Variants in CCDC85A observed in about 807,000 individuals in gnomAD.
CCDC85A encodes coiled-coil domain-containing protein 85A.
A neutral mutation model predicts 50.2 loss-of-function variants in CCDC85A; 38 were observed. The observed-to-expected ratio is 0.76, with a 90% CI of 0.58 to 0.99. The LOEUF is 0.99. Among genes scored for constraint, CCDC85A ranks in the 50% least tolerant of loss-of-function variants. The probability of loss-of-function intolerance (pLI) is 0.00; values close to 1 mark genes in which losing one functional copy is unlikely to be tolerated. For synonymous variants in CCDC85A, 366 were observed against 301.4 expected (o/e 1.21, Z -2.22); for missense variants, 820 against 742.0 (o/e 1.11, Z -1.22).
At chr2:56,223,523 C>T (rs1404188247) in intron 2 of CCDC85A, among the ~76,000 whole-genome samples, 1 of 152,100 alleles carries the variant, frequency 6.6e-6, no homozygotes, top group Admixed American at 6.6e-5. Context: ...CACTTTCATC[C>T]ACTAAAAATA....
chr2:56,301,481 C>G (rs1375285643), intron 2 of CCDC85A, among the ~76,000 whole-genome samples: 1 of 151,920 alleles, frequency 6.6e-6, no homozygotes, highest in Non-Finnish European at 1.5e-5. Flanking sequence ...ATATAAGTGC[C>G]CCTCCAGTGA....
intron 3 of CCDC85A, among the ~76,000 whole-genome samples, chr2:56,366,151 C>T (rs1675781880): frequency 6.6e-6 from 1 of 152,096 alleles, no homozygotes; most frequent in Non-Finnish European, 1.5e-5. Flanking sequence ...TTTCTTTATT[C>T]ATCCATTCAT....
intron 2 of CCDC85A, among the ~76,000 whole-genome samples, chr2:56,323,126 A>G (rs1163278547): frequency 6.6e-6 from 1 of 152,086 alleles, no homozygotes; most frequent in Non-Finnish European, 1.5e-5. Context: ...GGGGAACATC[A>G]CACACCAGGG....
chr2:56,306,500 C>T (rs187635782), intron 2 of CCDC85A, among the ~76,000 whole-genome samples: 1 of 152,232 alleles, frequency 6.6e-6, no homozygotes, highest in Non-Finnish European at 1.5e-5. Context: ...AATTTTAACT[C>T]ACATTATATA....
intron 2 of CCDC85A, among the ~76,000 whole-genome samples, chr2:56,318,971 T>A (rs1205214937): frequency 6.6e-6 from 1 of 152,036 alleles, no homozygotes; most frequent in Admixed American, 6.6e-5. Context: ...GGTAGAAGAT[T>A]GTGCACCAAT....
In CCDC85A at chr2:56,372,441, G is replaced by A. The variant is rs765579158; in HGVS notation, c.1415G>A (p.Gly472Glu). ...RARRVLQWWQ[G>E]CRGIGRCLPT... ...CGGCGGGTCTTGCAGTGGTGGCAAGGGTGCCGAGGAATAGGACGATGCCTG... is the reference window on the plus strand; with the variant it reads ...CGGCGGGTCTTGCAGTGGTGGCAAGAGTGCCGAGGAATAGGACGATGCCTG... Residue 472 changes from glycine to glutamate, a missense_variant, in exon 4 of 6, where the codon GGG becomes GAG. Coordinates refer to ENST00000407595, the MANE Select transcript of CCDC85A (RefSeq NM_001080433.2). The A allele has an allele frequency of 6.2e-7, 1 of 1,610,106 alleles. No individual in the cohort carries two copies.
chr2:56,195,292 A>G (rs1676480449), intron 2 of CCDC85A, among the ~76,000 whole-genome samples: 4 of 152,230 alleles, frequency 2.6e-5, no homozygotes, highest in African/African-American at 9.6e-5. Flanking sequence ...CCTAGTAAAG[A>G]TGACATTACC....
At chr2:56,327,116 T>G (rs575916154) in intron 2 of CCDC85A, among the ~76,000 whole-genome samples, 1 of 152,138 alleles carries the variant, frequency 6.6e-6, no homozygotes, top group African/African-American at 2.4e-5. Context: ...CCACAAATGT[T>G]TGTGTAATGA....
intron 2 of CCDC85A, among the ~76,000 whole-genome samples, chr2:56,287,411 C>G (rs1364280285): frequency 1.3e-5 from 2 of 152,192 alleles, no homozygotes; most frequent in Non-Finnish European, 1.5e-5. Context: ...AAAACCAGGG[C>G]AAACATGATT....
intron 1 of CCDC85A, among the ~76,000 whole-genome samples, chr2:56,187,030 G>T (rs1445659593): frequency 6.6e-6 from 1 of 152,088 alleles, no homozygotes; most frequent in African/African-American, 2.4e-5. Flanking sequence ...GCCCACCCTG[G>T]GTGTGCTGTG....
At chr2:56,326,836 G>T (rs1673496763) in intron 2 of CCDC85A, among the ~76,000 whole-genome samples, 1 of 146,898 alleles carries the variant, frequency 6.8e-6, no homozygotes, top group Non-Finnish European at 1.5e-5. Context: ...TTAAGGTGAA[G>T]TATTTTTTTT....
chr2:56,303,363 G>T (rs189456668), intron 2 of CCDC85A, among the ~76,000 whole-genome samples: 1 of 152,100 alleles, frequency 6.6e-6, no homozygotes, highest in East Asian at 1.9e-4. Context: ...AACCCAGGGG[G>T]CATCAGTTGT....
chr2:56,292,328 C>T (rs1671750892), intron 2 of CCDC85A, among the ~76,000 whole-genome samples: 1 of 152,162 alleles, frequency 6.6e-6, no homozygotes, highest in Non-Finnish European at 1.5e-5. Context: ...CGTGATCCAC[C>T]CGCCTCGGCC....
At position 56,231,454 on chromosome 2, in the gene CCDC85A, C is replaced by T. The variant is rs557226091; in HGVS notation, c.1240+38014C>T. Reference sequence around the variant, plus strand: ...TATGGGTTCTGAATCCAGGTAATTGCGTTTGGTGGAAAAGAGACACATTCT... The same window carrying T: ...TATGGGTTCTGAATCCAGGTAATTGTGTTTGGTGGAAAAGAGACACATTCT... On this transcript the variant is annotated intron_variant, in intron 2 of 5. Transcript: ENST00000407595. Among the ~76,000 whole-genome samples the T allele has an allele frequency of 2.6e-5, 4 of 152,122 alleles. No homozygotes were observed. In the East Asian group the frequency reaches 5.8e-4, roughly 22 times the overall value.
At chr2:56,234,710 C>T (rs761111098) in intron 2 of CCDC85A, among the ~76,000 whole-genome samples, 3 of 152,058 alleles carry the variant, frequency 2.0e-5, no homozygotes, top group African/African-American at 7.2e-5. Flanking sequence ...CTTAGATCTT[C>T]GCTAAAGATA....
At chr2:56,187,315 C>T (rs1676093940) in intron 1 of CCDC85A, among the ~76,000 whole-genome samples, 1 of 152,132 alleles carries the variant, frequency 6.6e-6, no homozygotes, top group South Asian at 2.1e-4. Flanking sequence ...TATGAGCTGA[C>T]TTTGAAATTG....
rs750045179 is a variant in CCDC85A at position 56,295,586 on chromosome 2, C to T, written c.1241-47293C>T. ...GAGCTGAGAATAGGTGTGGGGTGTG[C>T]GTGGCAAGTGCTTGGCTCCTACAAA... On this transcript the variant is annotated intron_variant, in intron 2 of 5. Coordinates refer to ENST00000407595, the MANE Select transcript of CCDC85A (RefSeq NM_001080433.2). Among the ~76,000 whole-genome samples, 80 of 152,098 alleles carry T rather than the reference C, an allele frequency of 5.3e-4. 1 individual carries two copies. The highest frequency in any genetic ancestry group is 1.2e-4 in the Non-Finnish European group (8 of 68,030).
chr2:56,384,219 G>A (rs1017055666), intron 5 of CCDC85A, 47 bp from the exon 6 acceptor site: 1 of 1,542,462 alleles, frequency 6.5e-7, no homozygotes, highest in Non-Finnish European at 8.9e-7. Context: ...AAATCTCCTT[G>A]TGAAAGAGGA....
At chr2:56,308,793 G>T (rs866231716) in intron 2 of CCDC85A, among the ~76,000 whole-genome samples, 1 of 152,264 alleles carries the variant, frequency 6.6e-6, no homozygotes. Context: ...TGACCGCTGC[G>T]CTGTAGTAGA....
Sources: allele counts gnomAD v4.1 joint callset (sites outside exome capture counted in the v4.1 genomes callset), GRCh38; gene constraint gnomAD v4.1.1; transcripts MANE v1.5; gene names NCBI Gene and HGNC (gene_info 2026-07-23, HGNC 2026-07-21).